ACCSL: variants seen among roughly 807,000 people sequenced by gnomAD.
ACCSL encodes 1-aminocyclopropane-1-carboxylate synthase homolog (inactive) like.
Under a neutral mutation model 61.7 loss-of-function variants are expected in ACCSL, and 55 were observed. The ratio of observed to expected loss-of-function variants is 0.89; its 90% CI spans 0.72 to 1.12. The LOEUF is 1.12. ACCSL is among the 50% of genes most tolerant of loss of function. ACCSL has a pLI of 0.00. For synonymous variants in ACCSL, 258 were observed against 264.3 expected (o/e 0.98, Z 0.23); for missense variants, 632 against 698.0 (o/e 0.91, Z 1.07).
chr11:43,948,094 C>A, the ACCSL span, among the ~76,000 whole-genome samples: 1 of 152,212 alleles, frequency 6.6e-6, no homozygotes, highest in Non-Finnish European at 1.5e-5. Flanking sequence ...CTAAACATTT[C>A]TCTCTGGCCC....
At chr11:43,938,327 C>T in the ACCSL span, among the ~76,000 whole-genome samples, 1 of 152,208 alleles carries the variant, frequency 6.6e-6, no homozygotes, top group African/African-American at 2.4e-5. Flanking sequence ...GATGCTGACT[C>T]GGGCTTGAGC....
At chr11:43,943,996 A>C in the ACCSL span, 1 of 591,622 alleles carries the variant, frequency 1.7e-6, no homozygotes, top group Non-Finnish European at 2.5e-6. This position sits in a 1 kb window ranked among gnomAD's most constrained non-coding sequence, Gnocchi z 4.8. Context: ...GAGTGGAGCT[A>C]CCTCCACAAG....
chr11:43,947,739 AAG>A, the ACCSL span, among the ~76,000 whole-genome samples: 13,232 of 101,766 alleles, frequency 0.13, 639 homozygotes, highest in African/African-American at 0.18. Context: ...GAGACAGTGA[AAG>A]AGAGAGAGAG....
chr11:44,025,765 C>A, the ACCSL span, among the ~76,000 whole-genome samples: 1 of 149,892 alleles, frequency 6.7e-6, no homozygotes, highest in African/African-American at 2.4e-5. Context: ...CAAAAAAAAT[C>A]TAGGAATGTC....
the ACCSL span, among the ~76,000 whole-genome samples, chr11:43,967,180 T>TTA: frequency 6.2e-5 from 8 of 128,768 alleles, no homozygotes; most frequent in Non-Finnish European, 1.1e-4. Flanking sequence ...TTTTTTTTTT[T>TTA]TTTTTTTTTT....
intron 1 of ACCSL, 23 bp downstream of exon 1, chr11:44,048,563 GGGC>G: frequency 5.1e-6 from 1 of 195,192 alleles, no homozygotes; most frequent in Non-Finnish European, 9.2e-6. Context: ...GGTGGGGGGT[GGGC>G]AGCATCCTCA....
the ACCSL span, among the ~76,000 whole-genome samples, chr11:43,983,410 G>A: frequency 6.6e-6 from 1 of 152,202 alleles, no homozygotes; most frequent in Non-Finnish European, 1.5e-5. Flanking sequence ...TGGTGCAGGG[G>A]ATGTGGTCCA....
chr11:43,934,407 ATGT>A, the ACCSL span, among the ~76,000 whole-genome samples: 1 of 152,136 alleles, frequency 6.6e-6, no homozygotes, highest in African/African-American at 2.4e-5. Context: ...CCTGCTAGAG[ATGT>A]TGTGTGTGTT....
chr11:44,059,941 C>G lies in ACCSL; in HGVS notation c.*21C>G. The G allele has an allele frequency of 6.2e-7, 1 of 1,609,748 alleles. No individual in the cohort carries two copies. Among genetic ancestry groups the G allele is most frequent in the Non-Finnish European group, 8.5e-7 (1 of 1,176,654 alleles). The stretch of plus-strand genomic sequence containing the variant: ...AGTAGGCCGTCTGCCTCCCAACCAG[C>G]AGTTCCAGCCCATCACTTGCTCAGG... On this transcript the variant is annotated 3_prime_UTR_variant, in exon 14 of 14. Coordinates refer to ENST00000378832, the MANE Select transcript of ACCSL (RefSeq NM_001031854.2).
chr11:43,964,924 G>A, the ACCSL span, among the ~76,000 whole-genome samples: 2 of 152,086 alleles, frequency 1.3e-5, no homozygotes, highest in Non-Finnish European at 2.9e-5. Context: ...CAGGAAACTA[G>A]GAATAAAAGG....
the ACCSL span, among the ~76,000 whole-genome samples, chr11:44,024,310 A>C: frequency 6.6e-6 from 1 of 152,072 alleles, no homozygotes; most frequent in East Asian, 1.9e-4. Context: ...CTATACCTCC[A>C]GCTTTCCTGG....
At chr11:43,978,752 A>G in the ACCSL span, among the ~76,000 whole-genome samples, 60 of 148,388 alleles carry the variant, frequency 4.0e-4, no homozygotes, top group East Asian at 0.012. Context: ...CCCCAGTGAA[A>G]TAGAATTTCC....
In ACCSL at chr11:44,056,226, C is replaced by G. The variant is rs368188027; in HGVS notation, c.1227C>G (p.Thr409=). Reference sequence around the variant, plus strand: ...GCTTCCGCTTTGGTGCTCTGTATACCCACAACAAGGAGGTGGCCTCTGCTG... The same window carrying G: ...GCTTCCGCTTTGGTGCTCTGTATACGCACAACAAGGAGGTGGCCTCTGCTG... ...ISGFRFGALY[T]HNKEVASAVS... Residue 409 remains threonine (T), a synonymous_variant, in exon 11 of 14, where the codon ACC becomes ACG. Transcript: ENST00000378832. 1.9e-5 allele frequency: 31 copies of G among 1,614,128 alleles called. No individual in the cohort carries two copies. In the East Asian group the frequency reaches 4.7e-4, roughly 24 times the overall value.
At chr11:43,924,069 A>G in the ACCSL span, among the ~76,000 whole-genome samples, 62,126 of 152,144 alleles carry the variant, frequency 0.41, 13,210 homozygotes, top group East Asian at 0.61. Context: ...AAATTCTGGT[A>G]TCTGAAAGGG....
chr11:44,011,838 T>G, the ACCSL span, among the ~76,000 whole-genome samples: 1 of 152,170 alleles, frequency 6.6e-6, no homozygotes, highest in African/African-American at 2.4e-5. Flanking sequence ...GAACATTCCC[T>G]GGTGAGAGGA....
chr11:43,972,334 A>G, the ACCSL span, among the ~76,000 whole-genome samples: 1 of 152,166 alleles, frequency 6.6e-6, no homozygotes, highest in Non-Finnish European at 1.5e-5. Flanking sequence ...CCCCTCACTC[A>G]GTTTTTATTC....
the ACCSL span, among the ~76,000 whole-genome samples, chr11:44,024,425 TTCTCTC>T: frequency 2.6e-4 from 36 of 138,482 alleles, no homozygotes; most frequent in South Asian, 2.2e-3. Context: ...CTCTCTCTCT[TTCTCTC>T]TCTCTCTCTC....
chr11:43,988,473 G>A, the ACCSL span, among the ~76,000 whole-genome samples: 1 of 151,868 alleles, frequency 6.6e-6, no homozygotes, highest in Non-Finnish European at 1.5e-5. Context: ...CATGGAGAGG[G>A]GAGAGGTTGC....
chr11:44,023,064 GAGAA>G, the ACCSL span, among the ~76,000 whole-genome samples: 1 of 29,234 alleles, frequency 3.4e-5, no homozygotes, highest in Non-Finnish European at 6.6e-5. Context: ...TTTTTTTTTC[GAGAA>G]AGAGTCTCAC....
Sources: allele counts gnomAD v4.1 joint callset (sites outside exome capture counted in the v4.1 genomes callset), GRCh38; gene constraint gnomAD v4.1.1; non-coding constraint Gnocchi (gnomAD v3.1); transcripts MANE v1.5; gene names NCBI Gene and HGNC (gene_info 2026-07-23, HGNC 2026-07-21).